The following STIM2 variants were observed in gnomAD, a reference collection of about 807,000 sequenced individuals.
STIM2 encodes stromal interaction molecule 2.
In STIM2, 31 loss-of-function variants were observed where a neutral mutation model predicts 85.8. The observed-to-expected ratio is 0.36, with a 90% CI of 0.27 to 0.49. The LOEUF (loss-of-function observed/expected upper bound fraction) is 0.49, where lower values mean the gene tolerates loss of function less well. Ranked by LOEUF, STIM2 falls within the 20% of genes least tolerant of loss-of-function variation. The pLI is 0.98. For synonymous variants in STIM2, 356 were observed against 331.1 expected, an observed-to-expected ratio of 1.08 and a Z score of -0.82; for missense variants, 841 against 927.6, an observed-to-expected ratio of 0.91 and a Z score of 1.21.
chr4:27,018,858 T>C (rs1728821103), intron 11 of STIM2, among the ~76,000 whole-genome samples: 1 of 152,222 alleles, frequency 6.6e-6, no homozygotes, highest in South Asian at 2.1e-4. Flanking sequence ...ATATTTGTTG[T>C]CACTTAATGA....
intron 11 of STIM2, among the ~76,000 whole-genome samples, chr4:27,018,607 G>A (rs1383343074): frequency 6.6e-6 from 1 of 152,100 alleles, no homozygotes; most frequent in Non-Finnish European, 1.5e-5. Flanking sequence ...TGTTTGATTG[G>A]AAAACTGGAA....
intron 10 of STIM2, among the ~76,000 whole-genome samples, chr4:27,015,667 A>C (rs1323197906): frequency 1.3e-5 from 2 of 152,008 alleles, no homozygotes; most frequent in Non-Finnish European, 2.9e-5. Context: ...GTTTGTAGTC[A>C]GTCAACTTGG....
At chr4:26,907,488 C>G (rs754966710) in intron 1 of STIM2, among the ~76,000 whole-genome samples, 15 of 152,024 alleles carry the variant, frequency 9.9e-5, no homozygotes, top group Non-Finnish European at 1.9e-4. Context: ...CTCCCTCTTG[C>G]TTTTGGATGT....
At chr4:26,936,304 A>G (rs1352441112) in intron 2 of STIM2, among the ~76,000 whole-genome samples, 1 of 152,126 alleles carries the variant, frequency 6.6e-6, no homozygotes, top group Non-Finnish European at 1.5e-5. Flanking sequence ...TTGCTTTTCC[A>G]GTTCATTTAC....
chr4:26,956,533 T>G (rs1000279291), intron 2 of STIM2, among the ~76,000 whole-genome samples: 1 of 151,382 alleles, frequency 6.6e-6, no homozygotes, highest in African/African-American at 2.4e-5. Context: ...AGCCTCAAAC[T>G]CCTGGGCTCA....
At chr4:26,982,276 A>G (rs1370076238) in intron 3 of STIM2, among the ~76,000 whole-genome samples, 2 of 152,180 alleles carry the variant, frequency 1.3e-5, no homozygotes, top group Non-Finnish European at 2.9e-5. Flanking sequence ...GAATGCTTTG[A>G]AGATTGATCT....
At chr4:26,975,110 A>G (rs186972576) in intron 3 of STIM2, among the ~76,000 whole-genome samples, 3 of 152,114 alleles carry the variant, frequency 2.0e-5, no homozygotes, top group African/African-American at 7.2e-5. Context: ...GGTCTTCCCT[A>G]CACTGTTTAT....
chr4:26,885,200 C>T (rs1723170336), intron 1 of STIM2, among the ~76,000 whole-genome samples: 1 of 152,106 alleles, frequency 6.6e-6, no homozygotes, highest in Non-Finnish European at 1.5e-5. Flanking sequence ...ATCTAGTTTT[C>T]CAAAAGCTTT....
At chr4:26,982,962 C>T (rs1016777884) in intron 3 of STIM2, among the ~76,000 whole-genome samples, 1 of 152,156 alleles carries the variant, frequency 6.6e-6, no homozygotes, top group Admixed American at 6.5e-5. Context: ...TAGCCAGGGT[C>T]CTGACCCCAC....
chr4:26,959,143 T>C (rs1012177007), intron 3 of STIM2, among the ~76,000 whole-genome samples: 2 of 152,180 alleles, frequency 1.3e-5, no homozygotes, highest in Non-Finnish European at 2.9e-5. Flanking sequence ...CTGTAGTGAC[T>C]CAGAGTAATA....
At chr4:27,003,556 C>T (rs914183413) in intron 7 of STIM2, among the ~76,000 whole-genome samples, 1 of 152,086 alleles carries the variant, frequency 6.6e-6, no homozygotes, top group African/African-American at 2.4e-5. Flanking sequence ...CCTGCTTCTC[C>T]TGTTCAGTTA....
chr4:26,918,433 A>G (rs11943225), intron 1 of STIM2, among the ~76,000 whole-genome samples: 2,592 of 152,176 alleles, frequency 0.017, 80 homozygotes, highest in African/African-American at 0.06. Context: ...TCCACAATTA[A>G]CTAATGACAG....
At chr4:26,978,799 A>C (rs533231908) in intron 3 of STIM2, among the ~76,000 whole-genome samples, 1 of 152,326 alleles carries the variant, frequency 6.6e-6, no homozygotes, top group East Asian at 1.9e-4. Context: ...GCCATTACAG[A>C]TTAATGACCA....
intron 2 of STIM2, among the ~76,000 whole-genome samples, chr4:26,948,981 C>G (rs1401902374): frequency 6.6e-6 from 1 of 152,018 alleles, no homozygotes; most frequent in African/African-American, 2.4e-5. Flanking sequence ...GTAAGGCACA[C>G]CCTAGTGAAT....
At chr4:26,960,475 A>G (rs991750851) in intron 3 of STIM2, among the ~76,000 whole-genome samples, 7 of 152,226 alleles carry the variant, frequency 4.6e-5, no homozygotes, top group African/African-American at 1.7e-4. Context: ...TCCCATGCCT[A>G]GCACAGTGCA....
chr4:26,962,972 T>C (rs1262695032), intron 3 of STIM2, among the ~76,000 whole-genome samples: 3 of 152,178 alleles, frequency 2.0e-5, no homozygotes, highest in Non-Finnish European at 4.4e-5. Context: ...TGTTTAATTT[T>C]GGGCTTTACA....
At chr4:26,913,826 A>G (rs1223182711) in intron 1 of STIM2, among the ~76,000 whole-genome samples, 3 of 152,230 alleles carry the variant, frequency 2.0e-5, no homozygotes, top group Non-Finnish European at 4.4e-5. Flanking sequence ...CACTGGGCAA[A>G]GAGGAATGAT....
At chr4:27,005,136 G>A (rs967170042) in intron 7 of STIM2, among the ~76,000 whole-genome samples, 13 of 152,124 alleles carry the variant, frequency 8.5e-5, no homozygotes, top group South Asian at 2.1e-4. Context: ...ACAATTCCAC[G>A]TAGTTCAAGG....
At chr4:26,869,838 T>C (rs996901637) in intron 1 of STIM2, among the ~76,000 whole-genome samples, 1 of 151,220 alleles carries the variant, frequency 6.6e-6, no homozygotes, top group African/African-American at 2.4e-5. Context: ...AAATATATGT[T>C]AGAGATATCT....
Sources: gnomAD v4.1 joint callset for allele counts (sites outside exome capture counted in the v4.1 genomes callset) on GRCh38, gnomAD v4.1.1 for gene constraint, MANE v1.5 for transcripts, NCBI Gene and HGNC (gene_info 2026-07-23, HGNC 2026-07-21) for gene names.